The following PCDHA3 variants were observed in gnomAD, a reference collection of about 807,000 sequenced individuals.
PCDHA3 encodes protocadherin alpha 3.
PCDHA3 carries 41 observed loss-of-function variants against 62.2 expected under a neutral mutation model. The observed-to-expected ratio is 0.66, with a 90% CI of 0.51 to 0.86. The LOEUF is 0.86. Ranked by LOEUF, PCDHA3 falls within the 40% of genes least tolerant of loss-of-function variation. The pLI, the probability that PCDHA3 is intolerant of heterozygous loss-of-function variation, is 0.00. For missense variants in PCDHA3, 1,304 were observed against 1,241.2 expected (o/e 1.05, Z -0.76); for synonymous variants, 640 against 555.4 (o/e 1.15, Z -2.14).
intron 1 of PCDHA3, among the ~76,000 whole-genome samples, chr5:140,942,616 T>C (rs2093340049): frequency 1.0e-5 from 1 of 99,878 alleles, no homozygotes. Context: ...TATTTGCCAA[T>C]TGTAAAAAAA....
At chr5:140,869,359 G>A in intron 1 of PCDHA3, 1 of 1,614,110 alleles carries the variant, frequency 6.2e-7, no homozygotes, top group Non-Finnish European at 8.5e-7. Context: ...CATTTTGTTT[G>A]TGAATTCTCG....
At position 140,843,365 on chromosome 5, in the gene PCDHA3, C is replaced by G. The variant is rs2150358343; in HGVS notation, c.2394+39774C>G. ...CCAGGCTCCAAAAGCGTCATCGAGGCAGTCGGCTGGCGTTTTGGGTCCGGA... is the reference window on the plus strand; with the variant it reads ...CCAGGCTCCAAAAGCGTCATCGAGGGAGTCGGCTGGCGTTTTGGGTCCGGA... On this transcript the variant is annotated intron_variant, in intron 1 of 3. Transcript: ENST00000522353. 3 of 1,595,994 alleles carry G rather than the reference C, an allele frequency of 1.9e-6. No individual in the cohort carries two copies. The highest frequency in any genetic ancestry group is 2.6e-6 in the Non-Finnish European group (3 of 1,165,606).
chr5:140,901,658 G>T (rs1554189962), intron 1 of PCDHA3, among the ~76,000 whole-genome samples: 1 of 151,936 alleles, frequency 6.6e-6, no homozygotes, highest in Admixed American at 6.6e-5. Flanking sequence ...TGTTCTTTTT[G>T]CTCAAGATAC....
At chr5:140,852,265 T>C in intron 1 of PCDHA3, 1 of 505,256 alleles carries the variant, frequency 2.0e-6, no homozygotes, top group Non-Finnish European at 2.6e-6. Flanking sequence ...TATGCTACAA[T>C]ATTACATGTT....
At chr5:140,877,276 G>A (rs1038142877) in intron 1 of PCDHA3, 5 of 1,613,744 alleles carry the variant, frequency 3.1e-6, no homozygotes, top group Admixed American at 1.7e-5. Context: ...CGCTGACTCC[G>A]GCTATAACGC....
intron 1 of PCDHA3, among the ~76,000 whole-genome samples, chr5:140,953,351 C>G (rs1007094673): frequency 3.3e-5 from 5 of 152,122 alleles, no homozygotes; most frequent in Non-Finnish European, 5.9e-5. Context: ...TTCTTTTGTT[C>G]TGTGCACTCA....
intron 1 of PCDHA3, chr5:140,843,194 G>T: frequency 6.3e-7 from 1 of 1,596,036 alleles, no homozygotes; most frequent in East Asian, 2.2e-5. Context: ...GTTCCGCGTG[G>T]GGCTGTACAC....
chr5:140,858,243 C>G (rs781796341), intron 1 of PCDHA3: 1 of 1,595,896 alleles, frequency 6.3e-7, no homozygotes, highest in Non-Finnish European at 8.6e-7. Flanking sequence ...GCATGTGGGC[C>G]GGTGAAGCCC....
At chr5:140,971,689 T>C (rs149234216) in intron 1 of PCDHA3, among the ~76,000 whole-genome samples, 1 of 152,306 alleles carries the variant, frequency 6.6e-6, no homozygotes, top group East Asian at 1.9e-4. Context: ...GAATTTGTAC[T>C]CACTAACCAC....
At chr5:140,981,336 G>A (rs1332617891) in intron 2 of PCDHA3, among the ~76,000 whole-genome samples, 1 of 152,188 alleles carries the variant, frequency 6.6e-6, no homozygotes, top group Non-Finnish European at 1.5e-5. Context: ...CACTTTGGGA[G>A]GGTGAGGCAG....
At chr5:140,953,118 A>G (rs2094850559) in intron 1 of PCDHA3, among the ~76,000 whole-genome samples, 1 of 152,162 alleles carries the variant, frequency 6.6e-6, no homozygotes, top group Non-Finnish European at 1.5e-5. Context: ...AGGGACACAG[A>G]TCTAAACCGT....
chr5:140,950,919 T>TCCACA (rs1554219687), intron 1 of PCDHA3, among the ~76,000 whole-genome samples: 4 of 152,198 alleles, frequency 2.6e-5, no homozygotes, highest in African/African-American at 9.6e-5. Context: ...TTTATTTCAG[T>TCCACA]TCTTTTTCTT....
chr5:140,883,672 T>C (rs782302494), intron 1 of PCDHA3: 2 of 1,613,366 alleles, frequency 1.2e-6, no homozygotes, highest in Non-Finnish European at 1.7e-6. Context: ...AGGAAAACAA[T>C]CCGCCGGGCT....
intron 1 of PCDHA3, among the ~76,000 whole-genome samples, chr5:140,903,353 G>C (rs782739410): frequency 6.6e-5 from 10 of 152,156 alleles, no homozygotes; most frequent in Non-Finnish European, 1.3e-4. Context: ...TAAAAAACAA[G>C]TTTTTCAAAA....
rs187345731 is a variant in PCDHA3, at chr5:140,885,533, C to T, written c.2394+81942C>T. Among the ~76,000 whole-genome samples, 472 of 152,120 alleles carry T rather than the reference C, an allele frequency of 3.1e-3. 3 individuals carry two copies. Among genetic ancestry groups the T allele is most frequent in the Middle Eastern group, 0.014 (4 of 294 alleles). On this transcript the variant is annotated intron_variant, in intron 1 of 3. Coordinates refer to ENST00000522353, the MANE Select transcript of PCDHA3 (RefSeq NM_018906.3). Reference sequence around the variant, plus strand: ...CTGTGCTATCATTTCATATATTTCCCAAAATATTGGTGTTATTTCTACGAA... The same window carrying T: ...CTGTGCTATCATTTCATATATTTCCTAAAATATTGGTGTTATTTCTACGAA...
chr5:140,968,643 A>G (rs2096261293), intron 1 of PCDHA3: 1 of 1,614,198 alleles, frequency 6.2e-7, no homozygotes. Context: ...CATCTAGCCC[A>G]GACTTCTGAC....
rs1763532234 is a variant in PCDHA3, at chr5:140,805,236, C to T, written c.2394+1645C>T. The T allele has an allele frequency of 2.2e-6, 3 of 1,346,802 alleles. No individual in the cohort carries two copies. The Admixed American group carries it at 1.1e-4, about 47-fold the overall frequency. The allele number at this position is 1,346,802 out of a possible 1,614,324, so 83.4% of individuals were successfully genotyped here. A position where few individuals can be genotyped will look rare whatever the true frequency, so the allele number is the denominator to read the frequency against. On this transcript the variant is annotated intron_variant, in intron 1 of 3. Transcript: ENST00000522353. ...ATTGTTTTCTATTCTGCTGCATTCCCCATCTGTACATTAAAATACCTGGTA... is the reference window on the plus strand; with the variant it reads ...ATTGTTTTCTATTCTGCTGCATTCCTCATCTGTACATTAAAATACCTGGTA...
In PCDHA3 at chr5:140,855,474, C is replaced by T. The variant is rs997217146; in HGVS notation, c.2394+51883C>T. On this transcript the variant is annotated intron_variant, in intron 1 of 3. Transcript: ENST00000522353. Reference sequence around the variant, plus strand: ...ATAAACACCTCACAGATAGTTGATGCTTGACATTAGTGTCTAAATAAACCT... The same window carrying T: ...ATAAACACCTCACAGATAGTTGATGTTTGACATTAGTGTCTAAATAAACCT... Among the ~76,000 whole-genome samples, 3 of 149,784 alleles carry T rather than the reference C, an allele frequency of 2.0e-5. 1 individual carries two copies. Among genetic ancestry groups the T allele is most frequent in the African/African-American group, 7.3e-5 (3 of 40,830 alleles).
chr5:140,858,007 T>C lies in PCDHA3; in HGVS notation c.2394+54416T>C, dbSNP rs1383838363. 3.1e-6 allele frequency: 5 copies of C among 1,596,728 alleles called. 1 individual carries two copies. Among genetic ancestry groups the C allele is most frequent in the Admixed American group, 1.7e-5 (1 of 59,162 alleles). On this transcript the variant is annotated intron_variant, in intron 1 of 3. Coordinates refer to ENST00000522353, the MANE Select transcript of PCDHA3 (RefSeq NM_018906.3). ...GCCTACTGGTGCTGGTGAAGGACCA[T>C]GGCGAGCCGTCGCTGACGGCCACGG... is the stretch of plus-strand genomic sequence containing the variant.
Sources: allele counts gnomAD v4.1 joint callset (sites outside exome capture counted in the v4.1 genomes callset), GRCh38; gene constraint gnomAD v4.1.1; transcripts MANE v1.5; gene names NCBI Gene and HGNC (gene_info 2026-07-23, HGNC 2026-07-21).